The following ZNF142 variants were observed in gnomAD, a reference collection of about 807,000 sequenced individuals.
ZNF142 encodes the protein zinc finger protein 142, also known as zinc finger protein 142 (clone pHZ-49).
A neutral mutation model predicts 132.1 loss-of-function variants in ZNF142; 96 were observed. That is an observed-to-expected ratio of 0.73 (90% confidence interval 0.62 to 0.86). ZNF142 has a LOEUF of 0.86. Ranked by LOEUF, ZNF142 falls within the 40% of genes least tolerant of loss-of-function variation. The probability of loss-of-function intolerance (pLI) is 0.00; values close to 1 mark genes in which losing one functional copy is unlikely to be tolerated. For synonymous variants in ZNF142, 842 were observed against 890.1 expected (o/e 0.95, Z 0.96); for missense variants, 2,163 against 2,336.2 (o/e 0.93, Z 1.53).
At position 218,638,418 on chromosome 2, in the gene ZNF142, G is replaced by A. The variant is rs1273684888; in HGVS notation, c.5585C>T (p.Thr1862Ile). 6 of 1,557,598 alleles carry A rather than the reference G, an allele frequency of 3.9e-6. No homozygotes were observed. In the South Asian group the frequency reaches 7.3e-5, roughly 19 times the overall value. ...CAGCTGCACATCATGCAGGTGCACT[G>A]TGGGGGTGGTGGGGTCTTTGCCCAC... ...QGVGKDPTTP[T>I]VHLHDVQLED... The change falls in exon 11 of 11, where the codon ACA (threonine) becomes ATA (isoleucine). Residue 1862 changes from threonine to isoleucine, a missense_variant. Physicochemically the swap from Thr to Ile is moderately conservative, Grantham distance 89. This residue lies in a region of ZNF142 where 325 missense variants were observed against 367.8 expected (regional missense o/e 0.88). Transcript: ENST00000411696.
rs1159968330 is a variant in ZNF142, at chr2:218,642,403, C to G, written c.4713G>C (p.Glu1571Asp). 3.1e-6 allele frequency: 5 copies of G among 1,612,892 alleles called. No individual in the cohort carries two copies. In the African/African-American group the frequency reaches 6.7e-5, roughly 22 times the overall value. ...GGCTGAAATGCTGCTGCCTCCGGTG[C>G]TCATCCAGAGCCAGTCGGCTAGGGA... is the stretch of plus-strand genomic sequence containing the variant. The part of the protein sequence containing the change: ...EAFPSRLALD[E>D]HRRQQHFSHR... The change falls in exon 9 of 11, where the codon GAG becomes GAC. Residue 1571 changes from glutamate to aspartate, a missense_variant. By Grantham distance (45) the Glu-to-Asp change is conservative (BLOSUM62 2). Around this residue, in one of 7 missense-constraint regions of ZNF142, gnomAD observed 809 missense variants for 801.7 expected, o/e 1.01. Coordinates refer to ENST00000411696, the MANE Select transcript of ZNF142 (RefSeq NM_001379659.1). This position sits in a 1 kb window ranked among gnomAD's most constrained non-coding sequence, Gnocchi z 4.6.
At position 218,640,766 on chromosome 2, in the gene ZNF142, G is replaced by T. The variant is rs765558765; in HGVS notation, c.5092C>A (p.His1698Asn). ...ACADPSRLKY[H>N]MRIHKEERKY... ...CGTTCCTCCTTGTGGATCCGCATGT[G>T]GTACTGGAAGAGGCAAGAGCAAAAA... The change falls in exon 10 of 11, where the codon CAC (histidine) becomes AAC (asparagine). Residue 1698 changes from histidine to asparagine, a missense_variant. Transcript: ENST00000411696. 6.2e-7 allele frequency: 1 copy of T among 1,614,002 alleles called. No homozygotes were observed. Among genetic ancestry groups the T allele is most frequent in the East Asian group, 2.2e-5 (1 of 44,874 alleles).
Position 218,642,720 on chromosome 2 carries a change from C to G in ZNF142, c.4396G>C (p.Gly1466Arg). 1 of 1,614,176 alleles carries G rather than the reference C, an allele frequency of 6.2e-7. No homozygotes were observed. Among genetic ancestry groups the G allele is most frequent in the South Asian group, 1.1e-5 (1 of 91,090 alleles). ...CGAGTGATGTCATGGCGAAGGTAGCCACTATAGTCACAAAGTGGACAGAAG... is the reference window on the plus strand; with the variant it reads ...CGAGTGATGTCATGGCGAAGGTAGCGACTATAGTCACAAAGTGGACAGAAG... ...THFCPLCDYS[G>R]YLRHDITRHV... is the part of the protein sequence containing the mutation. The change falls in exon 9 of 11, where the codon GGC becomes CGC. Residue 1466 changes from glycine (G) to arginine (R), a missense_variant. Transcript: ENST00000411696. This position sits in a 1 kb window ranked among gnomAD's most constrained non-coding sequence, Gnocchi z 4.6.
Position 218,642,671 on chromosome 2 carries a change from C to A in ZNF142, c.4445G>T (p.Gly1482Val). The A allele has an allele frequency of 6.2e-7, 1 of 1,614,084 alleles. No homozygotes were observed. The highest frequency in any genetic ancestry group is 8.5e-7 in the Non-Finnish European group (1 of 1,180,034). Residue 1482 changes from glycine (G) to valine (V), a missense_variant, in exon 9 of 11, where the codon GGC becomes GTC. Gly to Val is a moderately radical substitution (Grantham distance 109). Transcript: ENST00000411696. This position sits in a 1 kb window ranked among gnomAD's most constrained non-coding sequence, Gnocchi z 4.6. Reference sequence around the variant, plus strand: ...CTGGGAGCAGGCAAAGGCTGGGGTGCCTTGGTGGCAGCTGTTGACATGACG... The same window carrying A: ...CTGGGAGCAGGCAAAGGCTGGGGTGACTTGGTGGCAGCTGTTGACATGACG... The part of the protein sequence containing the change: ...ITRHVNSCHQ[G>V]TPAFACSQCE...
In ZNF142 at chr2:218,649,448, A is replaced by C; in HGVS notation, c.1060T>G (p.Ser354Ala). The C allele has an allele frequency of 1.8e-5, 28 of 1,595,632 alleles. No individual in the cohort carries two copies. Among genetic ancestry groups the C allele is most frequent in the Non-Finnish European group, 2.4e-5 (28 of 1,169,830 alleles). Residue 354 changes from serine to alanine, a missense_variant, in exon 7 of 11, where the codon TCT becomes GCT. Physicochemically the swap from Ser to Ala is moderately conservative, Grantham distance 99. This residue lies in a region of ZNF142 where 749 missense variants were observed against 830.3 expected (regional missense o/e 0.90). Transcript: ENST00000411696. Reference sequence around the variant, plus strand: ...GTCTTGAAGAGGGACTCGGTGCCAGAGACCACATCCCCTGGGAAAGGGAAT... The same window carrying C: ...GTCTTGAAGAGGGACTCGGTGCCAGCGACCACATCCCCTGGGAAAGGGAAT... ...GAQRLEGDVV[S>A]GTESLFKTHM...
Position 218,635,740 on chromosome 2 carries a change from G to C in ZNF142, c.*2599C>G, listed in dbSNP as rs1696692602. 3.2e-6 allele frequency: 5 copies of C among 1,573,962 alleles called. No individual in the cohort carries two copies. Among genetic ancestry groups the C allele is most frequent in the Non-Finnish European group, 4.3e-6 (5 of 1,158,762 alleles). Reference sequence around the variant, plus strand: ...CTTCTCCCCTGGGGTTGGGAGTAGGGTCGGGTGGGGCTGGGCTGAGCAGGA... The same window carrying C: ...CTTCTCCCCTGGGGTTGGGAGTAGGCTCGGGTGGGGCTGGGCTGAGCAGGA... On this transcript the variant is annotated 3_prime_UTR_variant, in exon 11 of 11. Coordinates refer to ENST00000411696, the MANE Select transcript of ZNF142 (RefSeq NM_001379659.1).
rs1234660390 is a variant in ZNF142 at position 218,646,270 on chromosome 2, T to G, written c.1952A>C (p.His651Pro). The stretch of plus-strand genomic sequence containing the variant: ...GCACATGTAATCCTTGGTGTTGGAG[T>G]GGGTCAGCATGTGCTTGGATAGGTA... ...VSYLSKHMLT[H>P]SNTKDYMCTE... Residue 651 changes from histidine to proline, a missense_variant, in exon 8 of 11, where the codon CAC (histidine) becomes CCC (proline). His to Pro is a moderately conservative substitution (Grantham distance 77, BLOSUM62 -2). This residue lies in a region of ZNF142 where 749 missense variants were observed against 830.3 expected (regional missense o/e 0.90). Transcript: ENST00000411696. The G allele has an allele frequency of 6.2e-7, 1 of 1,613,990 alleles. No homozygotes were observed. The highest frequency in any genetic ancestry group is 2.2e-5 in the East Asian group (1 of 44,878).
chr2:218,647,932 G>A (rs540927864), intron 7 of ZNF142, among the ~76,000 whole-genome samples: 1 of 152,304 alleles, frequency 6.6e-6, no homozygotes, highest in South Asian at 2.1e-4. Context: ...GAGATTTTGT[G>A]ACTAAAGCAT....
Position 218,643,900 on chromosome 2 carries a change from C to T in ZNF142, c.3216G>A (p.Gly1072=). 1.9e-6 allele frequency: 3 copies of T among 1,614,138 alleles called. No individual in the cohort carries two copies. Among genetic ancestry groups the T allele is most frequent in the Non-Finnish European group, 2.5e-6 (3 of 1,180,014 alleles). The change falls in exon 9 of 11, where the codon GGG becomes GGA. Residue 1072 remains glycine, a synonymous_variant. Coordinates refer to ENST00000411696, the MANE Select transcript of ZNF142 (RefSeq NM_001379659.1). The part of the protein sequence containing the change: ...RREPLLCPEC[G]ASFKQQRGLS... The stretch of plus-strand genomic sequence containing the variant: ...GGCCGCGTTGTTGCTTGAAGCTAGC[C>T]CCACACTCGGGGCACAGCAGGGGCT...
At chr2:218,657,558 AGCTG>A (rs2106288836) in intron 3 of ZNF142, among the ~76,000 whole-genome samples, 1 of 152,200 alleles carries the variant, frequency 6.6e-6, no homozygotes, top group Admixed American at 6.5e-5. Flanking sequence ...CCTCCTGAGT[AGCTG>A]GGATTACAGG....
chr2:218,646,465 G>A, intron 7 of ZNF142, 117 bp from the exon 8 acceptor site: 2 of 1,185,786 alleles, frequency 1.7e-6, no homozygotes, highest in South Asian at 1.5e-5. Context: ...AGCTTCATGT[G>A]CTACCTGAGA....
chr2:218,655,449 T>C (rs1445428562), intron 4 of ZNF142, among the ~76,000 whole-genome samples: 1 of 152,170 alleles, frequency 6.6e-6, no homozygotes, highest in Non-Finnish European at 1.5e-5. Context: ...CTGAGATAAA[T>C]ACAAATGCTC....
rs1696532438 is a variant in ZNF142, at chr2:218,633,746, C to A, written c.*4593G>T. 6.2e-7 allele frequency: 1 copy of A among 1,613,786 alleles called. No homozygotes were observed. The highest frequency in any genetic ancestry group is 1.3e-5 in the African/African-American group (1 of 74,910). The stretch of plus-strand genomic sequence containing the variant: ...TTTCTCTGAAACCAAGGCCAAGCGC[C>A]TCATCAAGGAGGCTGGTCAGGACCA... On this transcript the variant is annotated 3_prime_UTR_variant, in exon 11 of 11. Transcript: ENST00000411696.
At chr2:218,645,783 AAC>A (rs1697678663) in intron 8 of ZNF142, among the ~76,000 whole-genome samples, 1 of 152,060 alleles carries the variant, frequency 6.6e-6, no homozygotes, top group African/African-American at 2.4e-5. Flanking sequence ...TCTTTTTTGA[AAC>A]AGAGTCTTAC....
In ZNF142 at chr2:218,651,921, T is replaced by C. The variant is rs1938035418; in HGVS notation, c.660A>G (p.Ala220=). ...CCCGGAAAGAACAGGGCACAGGAAC[T>C]GCTCTGTGAGTCTGCCTCAGGTGGT... The part of the protein sequence containing the change: ...LQHHLRQTHR[A]VPVPCSFRGC... Residue 220 remains alanine, a synonymous_variant, in exon 5 of 11, where the codon GCA becomes GCG. Coordinates refer to ENST00000411696, the MANE Select transcript of ZNF142 (RefSeq NM_001379659.1). The C allele has an allele frequency of 2.4e-6, 3 of 1,257,290 alleles. No homozygotes were observed. The highest frequency in any genetic ancestry group is 2.1e-6 in the Non-Finnish European group (2 of 959,210). 77.9% of individuals were successfully genotyped at this position (1,257,290 alleles called of 1,614,324 possible).
In ZNF142 at chr2:218,633,595, C is replaced by G. The variant is rs1403188574; in HGVS notation, c.*4744G>C. 1 of 1,612,132 alleles carries G rather than the reference C, an allele frequency of 6.2e-7. No homozygotes were observed. The highest frequency in any genetic ancestry group is 8.5e-7 in the Non-Finnish European group (1 of 1,178,332). On this transcript the variant is annotated 3_prime_UTR_variant, in exon 11 of 11. Transcript: ENST00000411696. ...GGGTTCAATTCCATCTTCTTTTCCA[C>G]CTTCTCCAGAAATCCAAGCCCATCT...
chr2:218,658,335 T>C (rs1938801401), intron 3 of ZNF142, among the ~76,000 whole-genome samples: 1 of 152,084 alleles, frequency 6.6e-6, no homozygotes, highest in African/African-American at 2.4e-5. Flanking sequence ...AGGTCAGAAG[T>C]TCGAGACCAG....
chr2:218,641,469 C>G (rs1008082518), intron 9 of ZNF142, among the ~76,000 whole-genome samples: 7 of 151,772 alleles, frequency 4.6e-5, no homozygotes, highest in Admixed American at 2.0e-4. Context: ...TGGTCTCGAT[C>G]TCCTGACCTC....
At position 218,643,483 on chromosome 2, in the gene ZNF142, T is replaced by C; in HGVS notation, c.3633A>G (p.Ser1211=). Residue 1211 remains serine, a synonymous_variant, in exon 9 of 11, where the codon TCA becomes TCG. Transcript: ENST00000411696. ...GGTGCTTCTTCAGGGCCTCTGTGGG[T>C]GAGGAGTTTCCTGCAGGAGGGACTG... ...LDPVPPAGNS[S]PTEALKKHRF... 1.2e-6 allele frequency: 2 copies of C among 1,613,602 alleles called. No homozygotes were observed. Among genetic ancestry groups the C allele is most frequent in the Non-Finnish European group, 1.7e-6 (2 of 1,179,868 alleles).
Sources: gnomAD v4.1 joint callset for allele counts (sites outside exome capture counted in the v4.1 genomes callset) on GRCh38, gnomAD v4.1.1 for gene constraint, gnomAD v4.1.1 regional missense constraint, Gnocchi (gnomAD v3.1) non-coding constraint, MANE v1.5 for transcripts, NCBI Gene and HGNC (gene_info 2026-07-23, HGNC 2026-07-21) for gene names.